The following ALDH1A3 variants were observed in gnomAD, a reference collection of about 807,000 sequenced individuals.
ALDH1A3 encodes the protein aldehyde dehydrogenase 1 family member A3.
Under a neutral mutation model 57.5 loss-of-function variants are expected in ALDH1A3, and 28 were observed. That is an observed-to-expected ratio of 0.49 (90% CI 0.36 to 0.67). The LOEUF (loss-of-function observed/expected upper bound fraction) is 0.67. Ranked by LOEUF, ALDH1A3 falls within the 30% of genes least tolerant of loss-of-function variation. The pLI is 0.00. For synonymous variants in ALDH1A3, 281 were observed against 264.8 expected (o/e 1.06, Z -0.59); for missense variants, 507 against 669.4 (o/e 0.76, Z 2.68).
chr15:100,886,818 G>A (rs573653616), intron 2 of ALDH1A3, among the ~76,000 whole-genome samples: 5 of 152,276 alleles, frequency 3.3e-5, no homozygotes, highest in South Asian at 2.1e-4. Flanking sequence ...GGAGAAAAAC[G>A]GCCTTCATGC....
chr15:100,892,295 C>A, intron 3 of ALDH1A3: 1 of 600,944 alleles, frequency 1.7e-6, no homozygotes, highest in Non-Finnish European at 2.7e-6. Context: ...CTGCAGCCCA[C>A]TTTAGGTGTT....
In ALDH1A3 at chr15:100,887,651, G is replaced by A; in HGVS notation, c.284G>A (p.Ser95Asn). ...CCATGGCGCCGGCTGGATGCCCTGA[G>A]TCGTGGGCGGCTGCTGCACCAGCTG... is the stretch of plus-strand genomic sequence containing the variant. ...GSPWRRLDAL[S>N]RGRLLHQLAD... is the part of the protein sequence containing the mutation. Residue 95 changes from serine (S) to asparagine (N), a missense_variant, in exon 3 of 13, where the codon AGT becomes AAT. Physicochemically the swap from Ser to Asn is conservative, Grantham distance 46. This residue lies in a region of ALDH1A3 where 432 missense variants were observed against 608.4 expected (regional missense o/e 0.71). Coordinates refer to ENST00000329841, the MANE Select transcript of ALDH1A3 (RefSeq NM_000693.4). The surrounding 1 kb of genome is among the most constrained non-coding windows in gnomAD (Gnocchi z 4.6). 6.2e-7 allele frequency: 1 copy of A among 1,611,720 alleles called. No individual in the cohort carries two copies. Among genetic ancestry groups the A allele is most frequent in the African/African-American group, 1.3e-5 (1 of 75,000 alleles).
At chr15:100,909,122 C>T (rs1340713647) in intron 12 of ALDH1A3, among the ~76,000 whole-genome samples, 1 of 136,934 alleles carries the variant, frequency 7.3e-6, no homozygotes, top group African/African-American at 2.8e-5. Flanking sequence ...GTGTGCAAAC[C>T]CACTGCAAAC....
chr15:100,879,858 C>T lies in ALDH1A3; in HGVS notation c.-50C>T. ...CGGGCTGCGCAGTGTCCGGGCCGAG[C>T]CGGTGCGCCGCAGACTAGGGCGCCT... On this transcript the variant is annotated 5_prime_UTR_variant, in exon 1 of 13. Transcript: ENST00000329841. 22 of 1,283,348 alleles carry T rather than the reference C, an allele frequency of 1.7e-5. No homozygotes were observed. The highest frequency in any genetic ancestry group is 2.2e-5 in the Non-Finnish European group (22 of 999,290). 79.5% of individuals were successfully genotyped at this position (1,283,348 alleles called of 1,614,324 possible). A position where few individuals can be genotyped will look rare whatever the true frequency, so the allele number is the denominator to read the frequency against.
rs1056408033 is a variant in ALDH1A3, at chr15:100,887,068, T to G, written c.205-504T>G. On this transcript the variant is annotated intron_variant, in intron 2 of 12. Transcript: ENST00000329841. The surrounding 1 kb of genome is among the most constrained non-coding windows in gnomAD (Gnocchi z 4.6). ...TCTTTAGGAAATATTTTTAAATGCT[T>G]TTTATAATCAGAAACAAACATTGGT... Among the ~76,000 whole-genome samples the G allele has an allele frequency of 1.3e-5, 2 of 152,252 alleles. No homozygotes were observed. The highest frequency in any genetic ancestry group is 4.8e-5 in the African/African-American group (2 of 41,472).
intron 1 of ALDH1A3, among the ~76,000 whole-genome samples, chr15:100,881,734 G>C (rs1480880988): frequency 6.6e-6 from 1 of 152,176 alleles, no homozygotes; most frequent in Non-Finnish European, 1.5e-5. Flanking sequence ...GATCGGCCTG[G>C]AGTGCTGGGA....
chr15:100,899,153 G>A (rs2041741812), intron 8 of ALDH1A3, among the ~76,000 whole-genome samples: 1 of 152,210 alleles, frequency 6.6e-6, no homozygotes, highest in Non-Finnish European at 1.5e-5. Flanking sequence ...GAGGATACAG[G>A]CTCTCAGGAA....
chr15:100,879,935 A>G lies in ALDH1A3; in HGVS notation c.28A>G (p.Asn10Asp), dbSNP rs1041851256. MATANGAVENGQPDRKPPAL... is the reference protein window; with the variant it reads MATANGAVEDGQPDRKPPAL... Reference sequence around the variant, plus strand: ...GGCCACCGCTAACGGGGCCGTGGAAAACGGGCAGCCGGACAGGAAGCCGCC... The same window carrying G: ...GGCCACCGCTAACGGGGCCGTGGAAGACGGGCAGCCGGACAGGAAGCCGCC... Residue 10 changes from asparagine (N) to aspartate (D), a missense_variant, in exon 1 of 13, where the codon AAC becomes GAC. Physicochemically the swap from Asn to Asp is conservative, Grantham distance 23 (BLOSUM62 1). Around this residue, in one of 2 missense-constraint regions of ALDH1A3, gnomAD observed 75 missense variants for 61.0 expected, o/e 1.23. Transcript: ENST00000329841. The G allele has an allele frequency of 6.8e-7, 1 of 1,469,426 alleles. No homozygotes were observed. Among genetic ancestry groups the G allele is most frequent in the Admixed American group, 2.4e-5 (1 of 41,634 alleles). The allele number at this position is 1,469,426 out of a possible 1,614,324, so 91.0% of individuals were successfully genotyped here.
intron 3 of ALDH1A3, among the ~76,000 whole-genome samples, chr15:100,891,792 A>T (rs766990106): frequency 6.6e-6 from 1 of 152,208 alleles, no homozygotes; most frequent in Non-Finnish European, 1.5e-5. Flanking sequence ...TGAGGGACAA[A>T]GGGGTTCTCT....
intron 7 of ALDH1A3, among the ~76,000 whole-genome samples, chr15:100,897,543 A>G (rs1023489157): frequency 6.6e-6 from 1 of 152,208 alleles, no homozygotes; most frequent in African/African-American, 2.4e-5. Context: ...TCAGTCTTAG[A>G]GTGTGTTTCC....
intron 3 of ALDH1A3, chr15:100,892,297 T>C (rs2141554620): frequency 1.7e-6 from 1 of 598,800 alleles, no homozygotes; most frequent in Non-Finnish European, 2.7e-6. Flanking sequence ...GCAGCCCACT[T>C]TAGGTGTTTT....
intron 7 of ALDH1A3, among the ~76,000 whole-genome samples, chr15:100,897,106 C>A (rs2041712249): frequency 6.6e-6 from 1 of 152,220 alleles, no homozygotes; most frequent in South Asian, 2.1e-4. Flanking sequence ...TCCCCATCCC[C>A]CTCCTTAGTT....
chr15:100,890,997 C>T (rs1400181977), intron 3 of ALDH1A3, among the ~76,000 whole-genome samples: 1 of 152,198 alleles, frequency 6.6e-6, no homozygotes, highest in African/African-American at 2.4e-5. Flanking sequence ...AACACACACC[C>T]CAAGCTAGAC....
At chr15:100,911,268 G>C (rs115364621) in intron 12 of ALDH1A3, among the ~76,000 whole-genome samples, 1 of 152,092 alleles carries the variant, frequency 6.6e-6, no homozygotes, top group Non-Finnish European at 1.5e-5. Context: ...CCCCGTCCCC[G>C]GCCACCTGGA....
intron 6 of ALDH1A3, chr15:100,895,116 C>T (rs1271505582): frequency 6.6e-6 from 1 of 152,110 alleles, no homozygotes; most frequent in Admixed American, 6.5e-5. Context: ...AAGCAAAGAA[C>T]TTTAAGGGAG....
rs2041584688 is a variant in ALDH1A3, at chr15:100,885,332, A to G, written c.165A>G (p.Ser55=). The G allele has an allele frequency of 1.2e-6, 2 of 1,613,740 alleles. No homozygotes were observed. Among genetic ancestry groups the G allele is most frequent in the South Asian group, 2.2e-5 (2 of 91,078 alleles). Residue 55 remains serine, a synonymous_variant, in exon 2 of 13, where the codon TCA becomes TCG. Coordinates refer to ENST00000329841, the MANE Select transcript of ALDH1A3 (RefSeq NM_000693.4). ...AAAAGTTTGCTACATGTAACCCTTC[A>G]ACTCGGGAGCAAATATGTGAAGTGG... ...SGKKFATCNP[S]TREQICEVEE...
At chr15:100,903,667 C>G (rs1446946554) in intron 9 of ALDH1A3, among the ~76,000 whole-genome samples, 1 of 152,210 alleles carries the variant, frequency 6.6e-6, no homozygotes, top group Non-Finnish European at 1.5e-5. Flanking sequence ...TGTTTCTTTA[C>G]CCTTTCCAAC....
rs780340181 is a variant in ALDH1A3 at position 100,880,013 on chromosome 15, C to A, written c.99+7C>A. ...GGAGGTCAAGTTCACCAAGGTGAGG[C>A]GGGCGCCCCTCCCACCCGACGGCCG... is the stretch of plus-strand genomic sequence containing the variant. On this transcript the variant is annotated splice_region_variant and intron_variant, in intron 1 of 12. Coordinates refer to ENST00000329841, the MANE Select transcript of ALDH1A3 (RefSeq NM_000693.4). 6.7e-5 allele frequency: 97 copies of A among 1,454,140 alleles called. No individual in the cohort carries two copies. The highest frequency in any genetic ancestry group is 8.6e-5 in the Non-Finnish European group (95 of 1,098,578). The allele number at this position is 1,454,140 out of a possible 1,614,324, so 90.1% of individuals were successfully genotyped here.
At chr15:100,896,846 A>G (rs1346693809) in intron 7 of ALDH1A3, among the ~76,000 whole-genome samples, 1 of 152,232 alleles carries the variant, frequency 6.6e-6, no homozygotes, top group Non-Finnish European at 1.5e-5. Flanking sequence ...CAAAACAGCA[A>G]ACGGTAGAAA....
Sources: allele counts gnomAD v4.1 joint callset (sites outside exome capture counted in the v4.1 genomes callset), GRCh38; gene constraint gnomAD v4.1.1; regional missense constraint gnomAD v4.1.1; non-coding constraint Gnocchi (gnomAD v3.1); transcripts MANE v1.5; gene names NCBI Gene and HGNC (gene_info 2026-07-23, HGNC 2026-07-21).